The following DNAH9 variants were observed in gnomAD, a reference collection of about 807,000 sequenced individuals.
DNAH9 encodes DNAH9 variant protein.
In DNAH9, 345 loss-of-function variants were observed where a neutral mutation model predicts 471.6. The ratio of observed to expected loss-of-function variants is 0.73; its 90% CI spans 0.67 to 0.80. The LOEUF is 0.80. DNAH9 is among the 30% of genes least tolerant of loss of function. The probability of loss-of-function intolerance (pLI) is 0.00; values close to 1 mark genes in which losing one functional copy is unlikely to be tolerated. For missense variants in DNAH9, 5,407 were observed against 5,609.2 expected (o/e 0.96, Z 1.15); for synonymous variants, 2,093 against 2,123.6 (o/e 0.99, Z 0.40).
chr17:11,736,395 G>A (rs11868686), intron 28 of DNAH9, among the ~76,000 whole-genome samples: 283 of 152,294 alleles, frequency 1.9e-3, no homozygotes, highest in African/African-American at 6.3e-3. Context: ...GCTATCAGTT[G>A]CCAAACGACC....
chr17:11,768,415 T>C (rs1328569914), intron 36 of DNAH9, 38 bp from the exon 37 acceptor site: 2 of 1,599,884 alleles, frequency 1.3e-6, no homozygotes, highest in East Asian at 4.5e-5. Flanking sequence ...TCTTGAGTTC[T>C]GGAGGACCTT....
intron 14 of DNAH9, among the ~76,000 whole-genome samples, chr17:11,656,495 A>G (rs138311327): frequency 1.6e-3 from 238 of 152,260 alleles, no homozygotes; most frequent in African/African-American, 5.1e-3. Context: ...ATTATCTTCT[A>G]TGATATCATG....
chr17:11,854,119 G>A lies in DNAH9; in HGVS notation c.9624G>A (p.Trp3208Ter), dbSNP rs1197308025. 1 of 1,614,172 alleles carries A rather than the reference G, an allele frequency of 6.2e-7. No homozygotes were observed. The highest frequency in any genetic ancestry group is 8.5e-7 in the Non-Finnish European group (1 of 1,180,034). The change falls in exon 50 of 69, where the codon TGG becomes TGA. Residue 3208 changes from tryptophan to a stop codon, truncating the protein, a stop_gained. Transcript: ENST00000262442. LOFTEE classifies it high-confidence loss of function. ...GTAGGGTGCCCAAGGACCGGAGCTGGAAGGCTGCTAAGGTCACCATGGCCA... is the reference window on the plus strand; with the variant it reads ...GTAGGGTGCCCAAGGACCGGAGCTGAAAGGCTGCTAAGGTCACCATGGCCA... Reference protein sequence around the residue: ...PRGRVPKDRSWKAAKVTMAKV... With the variant: ...PRGRVPKDRS
At chr17:11,834,328 CAAAA>C (rs762924565) in intron 48 of DNAH9, among the ~76,000 whole-genome samples, 15 of 77,858 alleles carry the variant, frequency 1.9e-4, no homozygotes, top group Admixed American at 6.1e-4. Context: ...GACTCCGTCT[CAAAA>C]AAAAAAAAAA....
intron 28 of DNAH9, among the ~76,000 whole-genome samples, chr17:11,731,169 G>T (rs1328004416): frequency 2.6e-5 from 4 of 151,266 alleles, no homozygotes; most frequent in Admixed American, 1.3e-4. Context: ...TGATTATAAT[G>T]TTAACAATGA....
Position 11,796,617 on chromosome 17 carries a change from T to C in DNAH9, c.8224-980T>C, listed in dbSNP as rs73975506. On this transcript the variant is annotated intron_variant, in intron 42 of 68. Transcript: ENST00000262442. Reference sequence around the variant, plus strand: ...GTGTCCCTGCTGATAAATAACACACTGGTTACCTCTTTCCCAGGTAGGTCT... The same window carrying C: ...GTGTCCCTGCTGATAAATAACACACCGGTTACCTCTTTCCCAGGTAGGTCT... Among the ~76,000 whole-genome samples, 775 of 152,190 alleles carry C rather than the reference T, an allele frequency of 5.1e-3. 8 individuals carry two copies. Among genetic ancestry groups the C allele is most frequent in the African/African-American group, 0.018 (743 of 41,550 alleles).
At chr17:11,940,597 C>T (rs1156305202) in intron 66 of DNAH9, among the ~76,000 whole-genome samples, 3 of 152,196 alleles carry the variant, frequency 2.0e-5, no homozygotes, top group African/African-American at 4.8e-5. Flanking sequence ...TTGGTTTTTA[C>T]TTTCTTTTTT....
At chr17:11,682,013 G>A (rs377750945) in intron 19 of DNAH9, among the ~76,000 whole-genome samples, 1 of 152,262 alleles carries the variant, frequency 6.6e-6, no homozygotes, top group African/African-American at 2.4e-5. Flanking sequence ...AAAGTGTGTA[G>A]CACTGTGTCT....
chr17:11,743,197 C>G (rs560909203), intron 30 of DNAH9, among the ~76,000 whole-genome samples: 1 of 152,288 alleles, frequency 6.6e-6, no homozygotes, highest in East Asian at 1.9e-4. Context: ...CCCTCATTCA[C>G]TCATTTGCTA....
Position 11,598,702 on chromosome 17 carries a change from G to T in DNAH9, c.204G>T (p.Pro68=). 7.3e-7 allele frequency: 1 copy of T among 1,372,002 alleles called. No individual in the cohort carries two copies. The highest frequency in any genetic ancestry group is 3.1e-5 in the East Asian group (1 of 32,386). The allele number at this position is 1,372,002 out of a possible 1,614,324, so 85.0% of individuals were successfully genotyped here. The change falls in exon 1 of 69, where the codon CCG becomes CCT. Residue 68 remains proline, a synonymous_variant. Coordinates refer to ENST00000262442, the MANE Select transcript of DNAH9 (RefSeq NM_001372.4). Reference sequence around the variant, plus strand: ...TGGGCCGCGATGCTGCCGAGGGGCCGCGGCCGCTGCTGGTGGTGCGGCCCG... The same window carrying T: ...TGGGCCGCGATGCTGCCGAGGGGCCTCGGCCGCTGCTGGTGGTGCGGCCCG... ...AFLGRDAAEG[P]RPLLVVRPGP...
intron 23 of DNAH9, 32 bp from the exon 24 acceptor site, chr17:11,701,090 C>G: frequency 6.2e-7 from 1 of 1,613,106 alleles, no homozygotes; most frequent in Non-Finnish European, 8.5e-7. Context: ...ACTTCTCAGG[C>G]ACCCAGTGTC....
intron 9 of DNAH9, among the ~76,000 whole-genome samples, chr17:11,638,905 G>A (rs1200786489): frequency 6.6e-6 from 1 of 152,150 alleles, no homozygotes; most frequent in East Asian, 1.9e-4. Flanking sequence ...TCAGCCAAGG[G>A]CCACTCTTTG....
At position 11,883,188 on chromosome 17, in the gene DNAH9, G is replaced by C; in HGVS notation, c.10807-398G>C. ...TTTTTTTTAAGTAAGCCATAGGAGA[G>C]TTGTTCATTAAAGTAAATTGGTAAT... On this transcript the variant is annotated intron_variant, in intron 55 of 68. Transcript: ENST00000262442. 3.0e-6 allele frequency: 3 copies of C among 993,668 alleles called. No individual in the cohort carries two copies. The South Asian group carries it at 1.4e-4, about 45-fold the overall frequency. The allele number at this position is 993,668 out of a possible 1,614,324, so 61.6% of individuals were successfully genotyped here.
chr17:11,640,456 G>C, intron 10 of DNAH9, 72 bp downstream of exon 10: 1 of 1,034,270 alleles, frequency 9.7e-7, no homozygotes, highest in Non-Finnish European at 1.5e-6. Context: ...GAGTGTTGTA[G>C]AAATGCAACC....
rs372446667 is a variant in DNAH9, at chr17:11,676,352, G to A, written c.3354-3405G>A. Among the ~76,000 whole-genome samples the A allele has an allele frequency of 4.2e-4, 62 of 146,338 alleles. No individual in the cohort carries two copies. The East Asian group carries it at 5.0e-3, about 12-fold the overall frequency. ...GGCCGCAGTGCAATGGCACGATCTC[G>A]GCTCACTGCAACCTCCACCTCCCGG... On this transcript the variant is annotated intron_variant, in intron 17 of 68. Coordinates refer to ENST00000262442, the MANE Select transcript of DNAH9 (RefSeq NM_001372.4).
chr17:11,762,767 T>TG (rs1555584636), intron 35 of DNAH9, among the ~76,000 whole-genome samples: 8 of 77,562 alleles, frequency 1.0e-4, no homozygotes, highest in Non-Finnish European at 2.1e-4. Context: ...CGTTTTTTTT[T>TG]TTGTTTTTTT....
chr17:11,784,634 G>A (rs1968796645), intron 41 of DNAH9, 95 bp downstream of exon 41: 2 of 1,547,362 alleles, frequency 1.3e-6, no homozygotes, highest in South Asian at 2.4e-5. Context: ...CCAGCTCATA[G>A]GCACAGGCAA....
At chr17:11,715,191 C>T (rs1418981703) in intron 26 of DNAH9, among the ~76,000 whole-genome samples, 2 of 152,134 alleles carry the variant, frequency 1.3e-5, no homozygotes, top group South Asian at 4.1e-4. Flanking sequence ...GCTTTATCTT[C>T]CAGTTGAATA....
In DNAH9 at chr17:11,703,157, A is replaced by G. The variant is rs542873457; in HGVS notation, c.5152-1046A>G. ...GAATGTGTGTGAATAGCAGGGAGAA[A>G]CTTGGCTACGAAGAAGAGAGGAGAA... On this transcript the variant is annotated intron_variant, in intron 24 of 68. Coordinates refer to ENST00000262442, the MANE Select transcript of DNAH9 (RefSeq NM_001372.4). 6.6e-5 allele frequency among the ~76,000 whole-genome samples: 10 copies of G among 152,102 alleles called. No homozygotes were observed. The Middle Eastern group carries it at 0.02, about 310-fold the overall frequency.
Sources: gnomAD v4.1 joint callset for allele counts (sites outside exome capture counted in the v4.1 genomes callset) on GRCh38, gnomAD v4.1.1 for gene constraint, MANE v1.5 for transcripts, NCBI Gene and HGNC (gene_info 2026-07-23, HGNC 2026-07-21) for gene names.